PRKCE: variants seen among roughly 807,000 people sequenced by gnomAD.
The protein encoded by PRKCE is protein kinase C epsilon type.
In PRKCE, 16 loss-of-function variants were observed where a neutral mutation model predicts 85.4. The ratio of observed to expected loss-of-function variants is 0.19; its 90% confidence interval spans 0.13 to 0.28. The LOEUF is 0.28. Among genes scored for constraint, PRKCE ranks in the 10% least tolerant of loss-of-function variants. The pLI is 1.00. For missense variants in PRKCE, 573 were observed against 975.2 expected (o/e 0.59, Z 5.49); for synonymous variants, 388 against 371.5 (o/e 1.04, Z -0.51).
At chr2:45,780,857 G>A (rs1382255879) in intron 1 of PRKCE, among the ~76,000 whole-genome samples, 1 of 152,188 alleles carries the variant, frequency 6.6e-6, no homozygotes, top group Admixed American at 6.5e-5. Flanking sequence ...TCACAAAAAT[G>A]CTGTCTTTCC....
chr2:46,137,503 C>T (rs1020958153), intron 11 of PRKCE, among the ~76,000 whole-genome samples: 2 of 151,612 alleles, frequency 1.3e-5, no homozygotes, highest in Non-Finnish European at 2.9e-5. Flanking sequence ...GTAATCCTAG[C>T]ACTTCGGGAG....
At chr2:46,077,311 A>G (rs1051711791) in intron 10 of PRKCE, among the ~76,000 whole-genome samples, 1 of 152,154 alleles carries the variant, frequency 6.6e-6, no homozygotes, top group African/African-American at 2.4e-5. Flanking sequence ...ACTCATCTCC[A>G]AGCTTATCAA....
At chr2:45,843,472 C>T (rs1272766433) in intron 2 of PRKCE, among the ~76,000 whole-genome samples, 1 of 152,188 alleles carries the variant, frequency 6.6e-6, no homozygotes, top group Non-Finnish European at 1.5e-5. Context: ...TTCTTTAGAG[C>T]TTTGATAGAA....
chr2:45,796,093 T>G (rs948593402), intron 1 of PRKCE, among the ~76,000 whole-genome samples: 1 of 152,246 alleles, frequency 6.6e-6, no homozygotes, highest in Non-Finnish European at 1.5e-5. Context: ...GTTCCTTCAG[T>G]GTAGAATGCC....
At chr2:46,020,311 CAT>C (rs1404841991) in intron 10 of PRKCE, among the ~76,000 whole-genome samples, 1 of 152,156 alleles carries the variant, frequency 6.6e-6, no homozygotes, top group Non-Finnish European at 1.5e-5. Flanking sequence ...GACTGTTTCA[CAT>C]GTTAGCATTC....
At chr2:45,694,400 A>G (rs899691770) in intron 1 of PRKCE, among the ~76,000 whole-genome samples, 10 of 152,092 alleles carry the variant, frequency 6.6e-5, no homozygotes, top group African/African-American at 2.2e-4. Flanking sequence ...GGTTCAGGGA[A>G]CATGGAGTAT....
intron 5 of PRKCE, 137 bp downstream of exon 5, chr2:45,980,518 A>C (rs758387636): frequency 3.8e-5 from 31 of 805,398 alleles, no homozygotes; most frequent in Non-Finnish European, 5.7e-5. Context: ...AAACAAAGGG[A>C]GCTGTCCACG....
intron 2 of PRKCE, among the ~76,000 whole-genome samples, chr2:45,885,887 G>A (rs898487712): frequency 1.3e-5 from 2 of 152,226 alleles, no homozygotes; most frequent in Non-Finnish European, 2.9e-5. Context: ...GTGCACGAGG[G>A]AGCCTCGGAG....
At chr2:45,735,790 A>G (rs1475696703) in intron 1 of PRKCE, among the ~76,000 whole-genome samples, 3 of 152,194 alleles carry the variant, frequency 2.0e-5, no homozygotes, top group Admixed American at 6.5e-5. Context: ...GGGAACATAG[A>G]CGCCAGGCAG....
chr2:46,143,983 C>A (rs140246844), intron 11 of PRKCE, among the ~76,000 whole-genome samples: 1 of 152,170 alleles, frequency 6.6e-6, no homozygotes, highest in African/African-American at 2.4e-5. Flanking sequence ...ACAAATGGGC[C>A]TTCTTTGCAA....
intron 6 of PRKCE, among the ~76,000 whole-genome samples, chr2:45,988,920 C>T (rs576851471): frequency 1.3e-5 from 2 of 152,328 alleles, no homozygotes; most frequent in Admixed American, 1.3e-4. Context: ...TTCCCATTGA[C>T]ACATGGAGTC....
chr2:46,103,711 T>A (rs760136944), intron 11 of PRKCE, among the ~76,000 whole-genome samples: 3 of 152,210 alleles, frequency 2.0e-5, no homozygotes, highest in Non-Finnish European at 4.4e-5. Context: ...ATGTATTATA[T>A]ACTATATTCT....
intron 6 of PRKCE, among the ~76,000 whole-genome samples, chr2:45,985,593 A>G (rs768968610): frequency 5.9e-5 from 9 of 152,210 alleles, no homozygotes; most frequent in Admixed American, 1.3e-4. Context: ...GGACATAACA[A>G]ATTGGTCATT....
At chr2:46,156,895 G>A (rs1280535964) in intron 13 of PRKCE, among the ~76,000 whole-genome samples, 2 of 152,040 alleles carry the variant, frequency 1.3e-5, no homozygotes, top group Non-Finnish European at 2.9e-5. Context: ...CTTATGTTTT[G>A]AGGCTTTTAT....
chr2:46,090,704 G>T (rs1342760917), intron 11 of PRKCE, among the ~76,000 whole-genome samples: 7 of 151,848 alleles, frequency 4.6e-5, no homozygotes, highest in Non-Finnish European at 1.0e-4. Context: ...GATTTATGAG[G>T]ACCCTGTGGT....
chr2:46,092,926 C>A (rs545648514), intron 11 of PRKCE, among the ~76,000 whole-genome samples: 1 of 152,002 alleles, frequency 6.6e-6, no homozygotes, highest in Non-Finnish European at 1.5e-5. Context: ...AACGTGTAGT[C>A]TCATCCTCTT....
intron 1 of PRKCE, chr2:45,701,606 G>T (rs995700999): frequency 2.6e-5 from 4 of 152,274 alleles, no homozygotes; most frequent in Admixed American, 6.5e-5. Flanking sequence ...GCTTACCAAG[G>T]CAATAAAGGC....
In PRKCE at chr2:45,824,875, A is replaced by G. The variant is rs577021973; in HGVS notation, c.349-18125A>G. 5.9e-5 allele frequency among the ~76,000 whole-genome samples: 9 copies of G among 152,246 alleles called. No homozygotes were observed. The South Asian group carries it at 1.9e-3, about 32-fold the overall frequency. On this transcript the variant is annotated intron_variant, in intron 1 of 14. Transcript: ENST00000306156. ...GTCTCTTCTTTCTCTTCTCCCTTAG[A>G]AGTTGAATGGGCCAACAATTTTGGT...
chr2:45,684,006 C>A (rs933702803), intron 1 of PRKCE, among the ~76,000 whole-genome samples: 3 of 152,222 alleles, frequency 2.0e-5, no homozygotes, highest in African/African-American at 7.2e-5. Flanking sequence ...TGCCACTGAA[C>A]ACCATAAACA....
Sources: gnomAD v4.1 joint callset for allele counts (sites outside exome capture counted in the v4.1 genomes callset) on GRCh38, gnomAD v4.1.1 for gene constraint, MANE v1.5 for transcripts, NCBI Gene and HGNC (gene_info 2026-07-23, HGNC 2026-07-21) for gene names.